The following CYLD variants were observed in gnomAD, a reference collection of about 807,000 sequenced individuals.
The protein encoded by CYLD is CYLD lysine 63 deubiquitinase, also known as ubiquitin carboxyl-terminal hydrolase CYLD.
Under a neutral mutation model 104.5 loss-of-function variants are expected in CYLD, and 26 were observed. The observed-to-expected ratio is 0.25, with a 90% CI of 0.18 to 0.35. CYLD has a LOEUF of 0.35. CYLD is among the 10% of genes least tolerant of loss of function. The probability of loss-of-function intolerance (pLI) is 1.00; values close to 1 mark genes in which losing one functional copy is unlikely to be tolerated. For synonymous variants in CYLD, 385 were observed against 399.9 expected, an observed-to-expected ratio of 0.96 and a Z score of 0.45; for missense variants, 703 against 1,136.1, an observed-to-expected ratio of 0.62 and a Z score of 5.48.
rs1208922913 is a variant in CYLD, at chr16:50,770,015, A to G, written c.914-5151A>G. On this transcript the variant is annotated intron_variant, in intron 5 of 18. Transcript: ENST00000427738. ...CCTGTTTATTCCTGAGTAATATTCC[A>G]TATTATGGATGTATCAGTTTGTTTA... Among the ~76,000 whole-genome samples the G allele has an allele frequency of 9.2e-5, 14 of 152,070 alleles. 1 individual carries two copies. The highest frequency in any genetic ancestry group is 1.5e-5 in the Non-Finnish European group (1 of 68,024).
At position 50,791,628 on chromosome 16, in the gene CYLD, G is replaced by A. The variant is rs762650238; in HGVS notation, c.2179G>A (p.Val727Ile). 8.1e-6 allele frequency: 13 copies of A among 1,613,720 alleles called. No homozygotes were observed. The highest frequency in any genetic ancestry group is 3.3e-5 in the Admixed American group (2 of 60,008). Residue 727 changes from valine (V) to isoleucine (I), a missense_variant, in exon 15 of 19, where the codon GTT becomes ATT. By Grantham distance (29) the Val-to-Ile change is conservative (BLOSUM62 3). Around this residue, in one of 5 missense-constraint regions of CYLD, gnomAD observed 125 missense variants for 325.4 expected, o/e 0.38. Coordinates refer to ENST00000427738, the MANE Select transcript of CYLD (RefSeq NM_001378743.1). Reference sequence around the variant, plus strand: ...TATGGAAAAAAATGAGAAAGTTGGCGTTCCCACAATTCAGCAGTTGTTAGA... The same window carrying A: ...TATGGAAAAAAATGAGAAAGTTGGCATTCCCACAATTCAGCAGTTGTTAGA... ...IFMEKNEKVGVPTIQQLLEWS... is the reference protein window; with the variant it reads ...IFMEKNEKVGIPTIQQLLEWS...
chr16:50,751,570 T>G, intron 3 of CYLD, 34 bp from the exon 4 acceptor site: 2 of 1,603,420 alleles, frequency 1.2e-6, no homozygotes, highest in South Asian at 1.1e-5. Context: ...CGTCTTTCTA[T>G]ATCTATTTCT....
intron 5 of CYLD, 71 bp downstream of exon 5, chr16:50,754,495 T>G (rs1322192451): frequency 9.7e-7 from 1 of 1,032,832 alleles, no homozygotes; most frequent in Admixed American, 2.1e-5. Flanking sequence ...TTTATATCAA[T>G]ATGTTTTGGG....
intron 18 of CYLD, chr16:50,795,697 T>G: frequency 1.5e-6 from 1 of 681,156 alleles, no homozygotes; most frequent in Non-Finnish European, 2.7e-6. Flanking sequence ...GAGGGATACA[T>G]CCCAGCCCCA....
At chr16:50,765,209 A>G (rs1199938621) in intron 5 of CYLD, among the ~76,000 whole-genome samples, 1 of 152,144 alleles carries the variant, frequency 6.6e-6, no homozygotes, top group Non-Finnish European at 1.5e-5. Flanking sequence ...CATTTTTCCA[A>G]TAGCATGTGC....
intron 5 of CYLD, among the ~76,000 whole-genome samples, chr16:50,766,696 T>C (rs867378489): frequency 4.6e-5 from 7 of 152,080 alleles, no homozygotes; most frequent in Non-Finnish European, 8.8e-5. Context: ...TTGGGAGAAG[T>C]TGATTCCAAC....
At chr16:50,781,843 C>A (rs575925406) in intron 10 of CYLD, among the ~76,000 whole-genome samples, 1 of 152,110 alleles carries the variant, frequency 6.6e-6, no homozygotes, top group Non-Finnish European at 1.5e-5. Flanking sequence ...GACAGCTCTC[C>A]TCATCATGTG....
chr16:50,798,789 C>T lies in CYLD; in HGVS notation c.*2281C>T. 4.3e-6 allele frequency: 1 copy of T among 233,416 alleles called. No homozygotes were observed. The highest frequency in any genetic ancestry group is 8.5e-6 in the Non-Finnish European group (1 of 118,060). 14.5% of individuals were successfully genotyped at this position (233,416 alleles called of 1,614,324 possible). Reference sequence around the variant, plus strand: ...GTGTGGAGACTGTTAAATGGGAGGGCCTCATCCATAAATGATTTCTGGCAA... The same window carrying T: ...GTGTGGAGACTGTTAAATGGGAGGGTCTCATCCATAAATGATTTCTGGCAA... On this transcript the variant is annotated 3_prime_UTR_variant, in exon 19 of 19. Transcript: ENST00000427738.
rs1972441001 is a variant in CYLD at position 50,801,258 on chromosome 16, C to T, written c.*4750C>T. ...GAAAAAGTGGGAAAGGAAGGTCCTC[C>T]TCCTCCCTGATTGTAGCATCCAGCA... On this transcript the variant is annotated 3_prime_UTR_variant, in exon 19 of 19. Transcript: ENST00000427738. 1 of 233,370 alleles carries T rather than the reference C, an allele frequency of 4.3e-6. No homozygotes were observed. The highest frequency in any genetic ancestry group is 5.6e-5 in the Admixed American group (1 of 17,784). The allele number at this position is 233,370 out of a possible 1,614,324, so 14.5% of individuals were successfully genotyped here. A position where few individuals can be genotyped will look rare whatever the true frequency, so the allele number is the denominator to read the frequency against.
At position 50,742,756 on chromosome 16, in the gene CYLD, T is replaced by A; in HGVS notation, c.-203-6T>A. ...TGTTAATGGCGTGTTCTGCTTTTTC[T>A]TTCAGTTTCCCCCTTTCTAGGGTGA... On this transcript the variant is annotated splice_polypyrimidine_tract_variant and splice_region_variant and intron_variant, in intron 1 of 18. Coordinates refer to ENST00000427738, the MANE Select transcript of CYLD (RefSeq NM_001378743.1). The A allele has an allele frequency of 2.5e-6, 1 of 398,856 alleles. No individual in the cohort carries two copies. The highest frequency in any genetic ancestry group is 4.4e-6 in the Non-Finnish European group (1 of 226,154). 24.7% of individuals were successfully genotyped at this position (398,856 alleles called of 1,614,324 possible).
At chr16:50,755,306 A>G (rs1411992754) in intron 5 of CYLD, among the ~76,000 whole-genome samples, 1 of 151,548 alleles carries the variant, frequency 6.6e-6, no homozygotes, top group Non-Finnish European at 1.5e-5. Context: ...CTGGTTCCAT[A>G]TTTTTGCAAT....
In CYLD at chr16:50,798,809, T is replaced by A. The variant is rs1390376751; in HGVS notation, c.*2301T>A. ...GAGGGCCTCATCCATAAATGATTTC[T>A]GGCAACGTCTTCTTCAGGTGGAGCT... On this transcript the variant is annotated 3_prime_UTR_variant, in exon 19 of 19. Transcript: ENST00000427738. 4.3e-6 allele frequency: 1 copy of A among 233,334 alleles called. No individual in the cohort carries two copies. Among genetic ancestry groups the A allele is most frequent in the Non-Finnish European group, 8.5e-6 (1 of 118,056 alleles). The allele number at this position is 233,334 out of a possible 1,614,324, so 14.5% of individuals were successfully genotyped here. A position where few individuals can be genotyped will look rare whatever the true frequency, so the allele number is the denominator to read the frequency against.
At chr16:50,781,625 T>C (rs1029804693) in intron 10 of CYLD, among the ~76,000 whole-genome samples, 2 of 152,212 alleles carry the variant, frequency 1.3e-5, no homozygotes, top group African/African-American at 4.8e-5. Context: ...TTGGGACTTA[T>C]AAAGTGAATA....
rs1239096711 is a variant in CYLD at position 50,742,491 on chromosome 16, C to T, written c.-203-271C>T. 5 of 309,318 alleles carry T rather than the reference C, an allele frequency of 1.6e-5. No individual in the cohort carries two copies. In the Middle Eastern group the frequency reaches 1.7e-3, roughly 107 times the overall value. 19.2% of individuals were successfully genotyped at this position (309,318 alleles called of 1,614,324 possible). On this transcript the variant is annotated intron_variant, in intron 1 of 18. Transcript: ENST00000427738. ...CGTGCGGGGTCGCCACCATCGGGACCCCCAGAGGAGAGAGGACTTGGGGCG... is the reference window on the plus strand; with the variant it reads ...CGTGCGGGGTCGCCACCATCGGGACTCCCAGAGGAGAGAGGACTTGGGGCG...
chr16:50,760,939 C>CTGAA (rs1967846123), intron 5 of CYLD, among the ~76,000 whole-genome samples: 1 of 152,126 alleles, frequency 6.6e-6, no homozygotes, highest in African/African-American at 2.4e-5. Context: ...TTATAGCTTT[C>CTGAA]CCATGAGAGT....
At chr16:50,782,990 T>C (rs987323553) in intron 11 of CYLD, among the ~76,000 whole-genome samples, 15 of 130,224 alleles carry the variant, frequency 1.2e-4, no homozygotes, top group African/African-American at 3.5e-4. Context: ...AGCGGCACAA[T>C]CTGGGCTCAT....
chr16:50,759,088 A>G (rs1365708991), intron 5 of CYLD, among the ~76,000 whole-genome samples: 2 of 152,090 alleles, frequency 1.3e-5, no homozygotes, highest in African/African-American at 4.8e-5. Context: ...TAAAAATACA[A>G]AAATTAGCCA....
intron 5 of CYLD, among the ~76,000 whole-genome samples, chr16:50,764,034 A>G (rs1567434238): frequency 6.6e-6 from 1 of 152,172 alleles, no homozygotes; most frequent in Non-Finnish European, 1.5e-5. Context: ...CTTATATTGA[A>G]TCAACCTTAC....
intron 1 of CYLD, 145 bp downstream of exon 1, chr16:50,742,269 C>A (rs1392764130): frequency 6.6e-6 from 1 of 150,970 alleles, no homozygotes; most frequent in Non-Finnish European, 1.5e-5. Context: ...ATCCCCTCGG[C>A]GCAGCCGCCT....
Sources: allele counts gnomAD v4.1 joint callset (sites outside exome capture counted in the v4.1 genomes callset), GRCh38; gene constraint gnomAD v4.1.1; regional missense constraint gnomAD v4.1.1; transcripts MANE v1.5; gene names NCBI Gene and HGNC (gene_info 2026-07-23, HGNC 2026-07-21).